The following RRN3 variants were observed in gnomAD, a reference collection of about 807,000 sequenced individuals.
The protein encoded by RRN3 is RNA polymerase I-specific transcription initiation factor RRN3.
Under a neutral mutation model 82.3 loss-of-function variants are expected in RRN3, and 38 were observed. The ratio of observed to expected loss-of-function variants is 0.46; its 90% CI spans 0.36 to 0.61. The LOEUF is 0.61. Ranked by LOEUF, RRN3 falls within the 20% of genes least tolerant of loss-of-function variation. RRN3 has a pLI of 0.00. For synonymous variants in RRN3, 284 were observed against 284.3 expected, an observed-to-expected ratio of 1.00 and a Z score of 0.01; for missense variants, 726 against 793.1, an observed-to-expected ratio of 0.92 and a Z score of 1.02.
At position 15,060,812 on chromosome 16, in the gene RRN3, C is replaced by T. The variant is rs1165312664; in HGVS notation, c.*932G>A. On this transcript the variant is annotated 3_prime_UTR_variant, in exon 18 of 18. Transcript: ENST00000198767. Reference sequence around the variant, plus strand: ...TGAGCAAAACCGTACACCAAATAATCTAAAAAAATTTTCCTGTTTCCAACA... The same window carrying T: ...TGAGCAAAACCGTACACCAAATAATTTAAAAAAATTTTCCTGTTTCCAACA... 6.6e-6 allele frequency: 1 copy of T among 152,212 alleles called. No individual in the cohort carries two copies. The highest frequency in any genetic ancestry group is 2.4e-5 in the African/African-American group (1 of 41,446). 9.4% of individuals were successfully genotyped at this position (152,212 alleles called of 1,614,324 possible).
intron 6 of RRN3, among the ~76,000 whole-genome samples, chr16:15,085,275 C>A (rs953828033): frequency 3.3e-5 from 5 of 151,954 alleles, no homozygotes; most frequent in African/African-American, 1.2e-4. Context: ...CAAAGGTTGT[C>A]ATTTGTTGCA....
intron 3 of RRN3, 21 bp from the exon 4 acceptor site, chr16:15,086,475 C>T (rs1464160716): frequency 3.1e-6 from 5 of 1,609,470 alleles, no homozygotes; most frequent in Non-Finnish European, 4.2e-6. Flanking sequence ...ACAAAGAGTA[C>T]TTTCAAAATC....
intron 9 of RRN3, among the ~76,000 whole-genome samples, chr16:15,076,980 C>CCT (rs370008932): frequency 6.9e-6 from 1 of 143,916 alleles, no homozygotes; most frequent in Non-Finnish European, 1.5e-5. Flanking sequence ...ACCCAAATCA[C>CCT]TTTTTTTTTT....
chr16:15,063,715 A>AG (rs1162525795), intron 16 of RRN3, among the ~76,000 whole-genome samples: 5 of 151,102 alleles, frequency 3.3e-5, no homozygotes, highest in African/African-American at 1.2e-4. Context: ...AAAAAAAAAA[A>AG]AAAAAAAGAA....
intron 9 of RRN3, among the ~76,000 whole-genome samples, chr16:15,077,711 T>G (rs1484124384): frequency 1.3e-5 from 2 of 152,138 alleles, no homozygotes; most frequent in Non-Finnish European, 1.5e-5. Context: ...CATGGTGGCA[T>G]GTGCCTGTAA....
Position 15,072,940 on chromosome 16 carries a change from T to G in RRN3, c.1128+10A>C, listed in dbSNP as rs976545577. The stretch of plus-strand genomic sequence containing the variant: ...TAAGCTAAGATAATGTTAATCACAT[T>G]CTTACTCACCAATTTGAAACTACAG... On this transcript the variant is annotated intron_variant, in intron 12 of 17. Transcript: ENST00000198767. The G allele has an allele frequency of 1.2e-6, 2 of 1,613,022 alleles. No individual in the cohort carries two copies. The highest frequency in any genetic ancestry group is 1.3e-5 in the African/African-American group (1 of 74,864).
At position 15,061,773 on chromosome 16, in the gene RRN3, C is replaced by A. The variant is rs145434552; in HGVS notation, c.1927G>T (p.Val643Leu). ...AGGGGACTGGGTTGCATGTACAACA[C>A]GGGTGGGGAGCCCACACTACTTGAA... ...SPSSSVGSPP[V>L]LYMQPSPL is the part of the protein sequence containing the mutation. The change falls in exon 18 of 18, where the codon GTG becomes TTG. Residue 643 changes from valine (V) to leucine (L), a missense_variant. Val to Leu is a conservative substitution (Grantham distance 32). This residue lies in a region of RRN3 where 166 missense variants were observed against 154.8 expected (regional missense o/e 1.07). Coordinates refer to ENST00000198767, the MANE Select transcript of RRN3 (RefSeq NM_018427.5). The A allele has an allele frequency of 6.2e-7, 1 of 1,613,774 alleles. No individual in the cohort carries two copies. Among genetic ancestry groups the A allele is most frequent in the South Asian group, 1.1e-5 (1 of 91,074 alleles).
chr16:15,083,380 C>T (rs1286762167), intron 8 of RRN3, 133 bp downstream of exon 8: 10 of 1,391,162 alleles, frequency 7.2e-6, no homozygotes, highest in East Asian at 5.3e-5. Context: ...GCTTGGGCGA[C>T]AGAGTGAGAC....
intron 2 of RRN3, among the ~76,000 whole-genome samples, chr16:15,091,603 A>G (rs949659164): frequency 6.6e-6 from 1 of 152,070 alleles, no homozygotes; most frequent in African/African-American, 2.4e-5. Flanking sequence ...ATACTTCTGT[A>G]TTGACATTTG....
chr16:15,072,567 A>C (rs1357499250), intron 12 of RRN3, among the ~76,000 whole-genome samples: 1 of 152,120 alleles, frequency 6.6e-6, no homozygotes, highest in East Asian at 1.9e-4. Context: ...TTTGCGGGGC[A>C]GGAGGCGGGC....
intron 7 of RRN3, among the ~76,000 whole-genome samples, chr16:15,084,115 G>A (rs1205148543): frequency 1.3e-5 from 2 of 152,184 alleles, no homozygotes; most frequent in East Asian, 3.8e-4. Flanking sequence ...ATCAAAGAGG[G>A]AGCTTCTCTC....
intron 15 of RRN3, among the ~76,000 whole-genome samples, chr16:15,067,137 G>C (rs943321175): frequency 2.0e-5 from 3 of 151,064 alleles, no homozygotes; most frequent in Non-Finnish European, 4.4e-5. Context: ...ACTCAGAAGA[G>C]AGGACACCTT....
chr16:15,073,801 T>A (rs76759119), intron 11 of RRN3, among the ~76,000 whole-genome samples: 1,781 of 152,260 alleles, frequency 0.012, 17 homozygotes, highest in Middle Eastern at 0.048. Context: ...CTTTTTTTTT[T>A]AGAGATGGGG....
Position 15,086,095 on chromosome 16 carries a change from TA to T in RRN3, c.472+33del, listed in dbSNP as rs780365557. On this transcript the variant is annotated intron_variant, in intron 5 of 17. Coordinates refer to ENST00000198767, the MANE Select transcript of RRN3 (RefSeq NM_018427.5). ...AGGTAGTATTTTAATAAAGAAGTATTAAAAAGAAAATAAAATTCCAAGCAAT... is the reference window on the plus strand; with the variant it reads ...AGGTAGTATTTTAATAAAGAAGTATTAAAAGAAAATAAAATTCCAAGCAAT... The T allele has an allele frequency of 7.6e-6, 12 of 1,589,316 alleles. No individual in the cohort carries two copies. The Admixed American group carries it at 2.1e-4, about 27-fold the overall frequency.
At chr16:15,080,236 A>G (rs1404166145) in intron 8 of RRN3, 140 bp from the exon 9 acceptor site, 1 of 1,121,038 alleles carries the variant, frequency 8.9e-7, no homozygotes, top group East Asian at 2.8e-5. Context: ...TACAAAAACT[A>G]TACTGTTTCT....
chr16:15,094,221 G>C lies in RRN3; in HGVS notation c.13C>G (p.Leu5Val), dbSNP rs1356556934. MAAP[L>V]LHTRLPGDAA... is the part of the protein sequence containing the mutation. Reference sequence around the variant, plus strand: ...TCTCCCGGCAAACGCGTGTGAAGCAGCGGTGCCGCCATTGGGCCGAACTAA... The same window carrying C: ...TCTCCCGGCAAACGCGTGTGAAGCACCGGTGCCGCCATTGGGCCGAACTAA... The change falls in exon 1 of 18, where the codon CTG becomes GTG. Residue 5 changes from leucine to valine, a missense_variant. By Grantham distance (32) the Leu-to-Val change is conservative. This residue lies in a region of RRN3 where 135 missense variants were observed against 87.4 expected (regional missense o/e 1.55). Coordinates refer to ENST00000198767, the MANE Select transcript of RRN3 (RefSeq NM_018427.5). 5.7e-6 allele frequency: 9 copies of C among 1,592,448 alleles called. No homozygotes were observed. The highest frequency in any genetic ancestry group is 5.4e-5 in the African/African-American group (4 of 74,688).
chr16:15,088,943 G>A (rs2046010838), intron 3 of RRN3, among the ~76,000 whole-genome samples: 1 of 152,012 alleles, frequency 6.6e-6, no homozygotes, highest in African/African-American at 2.4e-5. Context: ...GCCCAGCCAA[G>A]AGTGGACATG....
intron 16 of RRN3, 43 bp from the exon 17 acceptor site, chr16:15,063,326 G>C (rs4012844): frequency 2.9e-5 from 42 of 1,445,676 alleles, no homozygotes; most frequent in South Asian, 3.4e-5. Context: ...TAAATACTTC[G>C]GCAGAAGTCA....
Position 15,091,310 on chromosome 16 carries a change from A to C in RRN3, c.252+5T>G. The C allele has an allele frequency of 6.2e-7, 1 of 1,602,762 alleles. No individual in the cohort carries two copies. Among genetic ancestry groups the C allele is most frequent in the Non-Finnish European group, 8.5e-7 (1 of 1,174,064 alleles). ...TTGCTAATGATCAAACACAAAATTA[A>C]TTACCTTTATGTCTGGATCTAACAG... On this transcript the variant is annotated splice_donor_5th_base_variant and intron_variant, in intron 3 of 17. Coordinates refer to ENST00000198767, the MANE Select transcript of RRN3 (RefSeq NM_018427.5).
Sources: gnomAD v4.1 joint callset for allele counts (sites outside exome capture counted in the v4.1 genomes callset) on GRCh38, gnomAD v4.1.1 for gene constraint, gnomAD v4.1.1 regional missense constraint, MANE v1.5 for transcripts, NCBI Gene and HGNC (gene_info 2026-07-23, HGNC 2026-07-21) for gene names.